Variants in HCRTR2 observed in about 807,000 individuals in gnomAD.
The protein encoded by HCRTR2 is orexin receptor type 2.
HCRTR2 carries 22 observed loss-of-function variants against 49.0 expected under a neutral mutation model. That is an observed-to-expected ratio of 0.45 (90% confidence interval 0.32 to 0.64). HCRTR2 has a LOEUF of 0.64. HCRTR2 is among the 30% of genes least tolerant of loss of function. The pLI, the probability that HCRTR2 is intolerant of heterozygous loss-of-function variation, is 0.04. For missense variants in HCRTR2, 491 were observed against 559.4 expected (o/e 0.88, Z 1.23); for synonymous variants, 236 against 205.3 (o/e 1.15, Z -1.28).
intron 1 of HCRTR2, among the ~76,000 whole-genome samples, chr6:55,192,579 A>C (rs1158888021): frequency 6.6e-6 from 1 of 152,162 alleles, no homozygotes; most frequent in East Asian, 1.9e-4. Flanking sequence ...ACAAAAAGAA[A>C]GTCATTATCT....
intron 1 of HCRTR2, among the ~76,000 whole-genome samples, chr6:55,161,854 G>T (rs1445744798): frequency 6.6e-6 from 1 of 151,744 alleles, no homozygotes; most frequent in Non-Finnish European, 1.5e-5. Context: ...GCGTTCCAAT[G>T]AAAAAAAGCC....
intron 1 of HCRTR2, among the ~76,000 whole-genome samples, chr6:55,182,639 A>G (rs1561998360): frequency 6.6e-6 from 1 of 152,234 alleles, no homozygotes; most frequent in South Asian, 2.1e-4. Context: ...AGTCAGAACT[A>G]TTCAGCTAAG....
rs532852518 is a variant in HCRTR2 at position 55,277,308 on chromosome 6, T to A, written c.763-72T>A. On this transcript the variant is annotated intron_variant, in intron 4 of 6. Transcript: ENST00000370862. The stretch of plus-strand genomic sequence containing the variant: ...TCTGGAAGCCTTTCCTTACTGTGTT[T>A]TCTAATTACTTCCCCAAAGTGGAAC... 1.0e-4 allele frequency: 130 copies of A among 1,301,820 alleles called. No individual in the cohort carries two copies. In the South Asian group the frequency reaches 1.6e-3, roughly 16 times the overall value. 80.6% of individuals were successfully genotyped at this position (1,301,820 alleles called of 1,614,324 possible).
intron 1 of HCRTR2, among the ~76,000 whole-genome samples, chr6:55,208,915 G>A (rs1765651284): frequency 6.6e-6 from 1 of 152,206 alleles, no homozygotes; most frequent in African/African-American, 2.4e-5. Flanking sequence ...AGGCCCAAAT[G>A]TGGATACTGG....
chr6:55,248,904 G>A (rs1035110250), intron 2 of HCRTR2, 87 bp downstream of exon 2: 2 of 1,105,136 alleles, frequency 1.8e-6, no homozygotes, highest in Non-Finnish European at 2.8e-6. Context: ...CTAGTGAGTT[G>A]AGAAATATAT....
At chr6:55,152,282 C>A (rs1003683419) in intron 1 of HCRTR2, among the ~76,000 whole-genome samples, 1 of 151,772 alleles carries the variant, frequency 6.6e-6, no homozygotes, top group East Asian at 1.9e-4. Flanking sequence ...ACACATGTGA[C>A]GTAAAATTTC....
chr6:55,163,663 C>A (rs1234402470), intron 1 of HCRTR2, among the ~76,000 whole-genome samples: 1 of 152,106 alleles, frequency 6.6e-6, no homozygotes, highest in Non-Finnish European at 1.5e-5. Flanking sequence ...GACCTAAAAA[C>A]CATAAGAACC....
At chr6:55,280,467 A>G (rs778937842) in intron 6 of HCRTR2, 23 bp downstream of exon 6, 4 of 1,610,908 alleles carry the variant, frequency 2.5e-6, no homozygotes, top group Non-Finnish European at 3.4e-6. Context: ...CTGTTCTTCC[A>G]TAAGCCACAA....
chr6:55,133,719 A>C (rs1441455403), intron 1 of HCRTR2, among the ~76,000 whole-genome samples: 4 of 151,544 alleles, frequency 2.6e-5, no homozygotes, highest in Non-Finnish European at 5.9e-5. Context: ...CCATCTAGGC[A>C]TGTTTGTCTG....
intron 4 of HCRTR2, among the ~76,000 whole-genome samples, chr6:55,273,191 G>A (rs1562029947): frequency 6.6e-6 from 1 of 152,016 alleles, no homozygotes. Context: ...TCATATGGTG[G>A]TGGGTGTAAG....
At chr6:55,155,792 C>T (rs1233352248) in intron 1 of HCRTR2, among the ~76,000 whole-genome samples, 1 of 151,984 alleles carries the variant, frequency 6.6e-6, no homozygotes, top group South Asian at 2.1e-4. Context: ...AACTCGTTGG[C>T]TATCTTAGGA....
chr6:55,204,767 C>G (rs1263115679), intron 1 of HCRTR2, among the ~76,000 whole-genome samples: 2 of 151,920 alleles, frequency 1.3e-5, no homozygotes, highest in Admixed American at 6.6e-5. Context: ...AAATCCTCTC[C>G]CCTGCCTTCC....
chr6:55,240,723 T>C, intron 1 of HCRTR2: 1 of 374,078 alleles, frequency 2.7e-6, no homozygotes, highest in Non-Finnish European at 5.3e-6. Flanking sequence ...AAGATAATAC[T>C]CCTGGTCAGC....
intron 1 of HCRTR2, among the ~76,000 whole-genome samples, chr6:55,229,550 G>A (rs1766075051): frequency 6.6e-6 from 1 of 152,144 alleles, no homozygotes; most frequent in Non-Finnish European, 1.5e-5. Context: ...ATATTATTCA[G>A]CCTTAAAAAA....
At chr6:55,144,370 C>T (rs1190059440) in intron 1 of HCRTR2, among the ~76,000 whole-genome samples, 1 of 152,046 alleles carries the variant, frequency 6.6e-6, no homozygotes. Flanking sequence ...CCCGCCTTGG[C>T]CTCCCAAAGT....
intron 1 of HCRTR2, among the ~76,000 whole-genome samples, chr6:55,233,799 A>G (rs1417816115): frequency 6.6e-6 from 1 of 152,236 alleles, no homozygotes; most frequent in African/African-American, 2.4e-5. Flanking sequence ...TATTGAAACT[A>G]TATTCAAAAA....
At chr6:55,186,491 T>C (rs1386177182) in intron 1 of HCRTR2, among the ~76,000 whole-genome samples, 2 of 152,232 alleles carry the variant, frequency 1.3e-5, no homozygotes, top group Non-Finnish European at 2.9e-5. Flanking sequence ...TGATTTATAC[T>C]ATGCAATTAT....
chr6:55,121,372 G>A (rs1764196908), intron 1 of HCRTR2, among the ~76,000 whole-genome samples: 1 of 152,030 alleles, frequency 6.6e-6, no homozygotes, highest in South Asian at 2.1e-4. Context: ...AGGAGATTTT[G>A]GGCTGAGATG....
At chr6:55,212,059 T>C (rs1284454811) in intron 1 of HCRTR2, among the ~76,000 whole-genome samples, 1 of 152,118 alleles carries the variant, frequency 6.6e-6, no homozygotes, top group Non-Finnish European at 1.5e-5. Context: ...CACACACACA[T>C]ACATACAAAG....
Sources: gnomAD v4.1 joint callset for allele counts (sites outside exome capture counted in the v4.1 genomes callset) on GRCh38, gnomAD v4.1.1 for gene constraint, MANE v1.5 for transcripts, NCBI Gene and HGNC (gene_info 2026-07-23, HGNC 2026-07-21) for gene names.